IL27RA: variants seen among roughly 807,000 people sequenced by gnomAD.
The protein encoded by IL27RA is interleukin 27 receptor subunit alpha, also known as interleukin-27 receptor subunit alpha.
Under a neutral mutation model 80.8 loss-of-function variants are expected in IL27RA, and 61 were observed. That is an observed-to-expected ratio of 0.76 (90% CI 0.61 to 0.93). IL27RA has a LOEUF of 0.93. IL27RA is among the 40% of genes least tolerant of loss of function. The probability of loss-of-function intolerance (pLI) is 0.00; values close to 1 mark genes in which losing one functional copy is unlikely to be tolerated. For synonymous variants in IL27RA, 316 were observed against 332.5 expected (o/e 0.95, Z 0.54); for missense variants, 735 against 808.1 (o/e 0.91, Z 1.10).
At chr19:14,044,687 T>G (rs2145692635) in intron 6 of IL27RA, among the ~76,000 whole-genome samples, 1 of 152,140 alleles carries the variant, frequency 6.6e-6, no homozygotes, top group Non-Finnish European at 1.5e-5. Flanking sequence ...GTTTTTACTT[T>G]AAAATCTTGA....
chr19:14,037,834 C>CTTTT (rs1555764856), intron 2 of IL27RA, among the ~76,000 whole-genome samples: 1 of 129,422 alleles, frequency 7.7e-6, no homozygotes, highest in African/African-American at 2.8e-5. Context: ...CTCTCTCTCT[C>CTTTT]TTTTTTTTTT....
intron 2 of IL27RA, among the ~76,000 whole-genome samples, chr19:14,032,738 G>T (rs1208779863): frequency 6.7e-6 from 1 of 148,866 alleles, no homozygotes; most frequent in East Asian, 2.0e-4. Context: ...CCCGGGAGGC[G>T]GAGGTTGCAG....
chr19:14,046,664 G>C, intron 8 of IL27RA, 46 bp downstream of exon 8: 6 of 1,507,748 alleles, frequency 4.0e-6, no homozygotes, highest in African/African-American at 1.4e-5. Flanking sequence ...TGTTAGAGCA[G>C]ACGGATGGGT....
intron 8 of IL27RA, among the ~76,000 whole-genome samples, chr19:14,047,571 G>T (rs997795112): frequency 6.6e-6 from 1 of 151,580 alleles, no homozygotes; most frequent in South Asian, 2.1e-4. Context: ...TGGCTAGGCT[G>T]GTGTCAAACT....
At chr19:14,047,911 C>T (rs1156297575) in intron 8 of IL27RA, among the ~76,000 whole-genome samples, 1 of 151,344 alleles carries the variant, frequency 6.6e-6, no homozygotes, top group African/African-American at 2.4e-5. Flanking sequence ...ATCTGCCCTC[C>T]TCAGCCTCCC....
chr19:14,041,817 G>A (rs768554225), intron 4 of IL27RA, among the ~76,000 whole-genome samples: 1 of 152,266 alleles, frequency 6.6e-6, no homozygotes, highest in South Asian at 2.1e-4. Flanking sequence ...TCTAATCCCA[G>A]CACTTTGGGA....
chr19:14,037,272 T>A (rs1482926122), intron 2 of IL27RA, among the ~76,000 whole-genome samples: 6 of 151,786 alleles, frequency 4.0e-5, no homozygotes, highest in Admixed American at 3.9e-4. Context: ...TTACTTTTTT[T>A]TTTTTTGAGA....
At chr19:14,044,622 AC>A (rs1275649363) in intron 6 of IL27RA, among the ~76,000 whole-genome samples, 4 of 152,048 alleles carry the variant, frequency 2.6e-5, no homozygotes, top group African/African-American at 9.7e-5. Flanking sequence ...TGGAACCAAG[AC>A]CAGGGTTAGG....
At position 14,042,712 on chromosome 19, in the gene IL27RA, C is replaced by G; in HGVS notation, c.695-4C>G. On this transcript the variant is annotated splice_polypyrimidine_tract_variant and splice_region_variant and intron_variant, in intron 5 of 13. Transcript: ENST00000263379. ...TTTGTTCCCCGTTTCCTCATCCTTGCCAGCTCCAAAAGATGTGTGGGTATC... is the reference window on the plus strand; with the variant it reads ...TTTGTTCCCCGTTTCCTCATCCTTGGCAGCTCCAAAAGATGTGTGGGTATC... 1.2e-5 allele frequency: 19 copies of G among 1,614,104 alleles called. No individual in the cohort carries two copies. Among genetic ancestry groups the G allele is most frequent in the Non-Finnish European group, 1.6e-5 (19 of 1,179,998 alleles).
chr19:14,047,027 G>A (rs1014516864), intron 8 of IL27RA, among the ~76,000 whole-genome samples: 3 of 151,250 alleles, frequency 2.0e-5, no homozygotes, highest in Non-Finnish European at 4.4e-5. Flanking sequence ...AATAAATAGC[G>A]TGAATTCACA....
chr19:14,043,273 G>A (rs1976018736), intron 6 of IL27RA, among the ~76,000 whole-genome samples: 1 of 152,124 alleles, frequency 6.6e-6, no homozygotes, highest in South Asian at 2.1e-4. Context: ...CATGGAGCAA[G>A]TCTCCACCAA....
chr19:14,040,638 T>G (rs147230156), intron 4 of IL27RA, among the ~76,000 whole-genome samples: 189 of 152,060 alleles, frequency 1.2e-3, no homozygotes, highest in African/African-American at 4.4e-3. Context: ...CTGGCCAACA[T>G]GGTGAAACCC....
chr19:14,031,816 G>A lies in IL27RA; in HGVS notation c.-57G>A. ...TGTACCCAGAGCTCGAAGAGGAGCA[G>A]CGCGGCCGCGCGGACCCGGCAAGGC... On this transcript the variant is annotated 5_prime_UTR_variant, in exon 1 of 14. Transcript: ENST00000263379. 7.0e-7 allele frequency: 1 copy of A among 1,432,980 alleles called. No homozygotes were observed. Among genetic ancestry groups the A allele is most frequent in the Non-Finnish European group, 9.5e-7 (1 of 1,055,892 alleles). The allele number at this position is 1,432,980 out of a possible 1,614,324, so 88.8% of individuals were successfully genotyped here.
chr19:14,046,857 C>A (rs1395517769), intron 8 of IL27RA, among the ~76,000 whole-genome samples: 2 of 151,618 alleles, frequency 1.3e-5, no homozygotes, highest in African/African-American at 4.8e-5. Context: ...ATTAGTGGGG[C>A]GTGGTGGCAC....
chr19:14,046,245 C>T lies in IL27RA; in HGVS notation c.860C>T (p.Ser287Phe), dbSNP rs1396133967. The T allele has an allele frequency of 7.4e-6, 12 of 1,614,014 alleles. No individual in the cohort carries two copies. Among genetic ancestry groups the T allele is most frequent in the South Asian group, 1.1e-5 (1 of 91,076 alleles). Residue 287 changes from serine to phenylalanine, a missense_variant, in exon 7 of 14, where the codon TCC becomes TTC. Ser to Phe is a radical substitution (Grantham distance 155). Coordinates refer to ENST00000263379, the MANE Select transcript of IL27RA (RefSeq NM_004843.4). ...CCAGAAGGAATTACCTGCTGCTGCT[C>T]CCTAATTCCCAGTGGGGCGGAGTGG... ...LSPEGITCCC[S>F]LIPSGAEWAR...
At chr19:14,035,212 C>T (rs1975880499) in intron 2 of IL27RA, among the ~76,000 whole-genome samples, 1 of 151,974 alleles carries the variant, frequency 6.6e-6, no homozygotes, top group Non-Finnish European at 1.5e-5. Context: ...GCCCAGACTG[C>T]TTTCGAACTA....
chr19:14,032,930 G>A (rs1975843901), intron 2 of IL27RA, among the ~76,000 whole-genome samples: 1 of 151,460 alleles, frequency 6.6e-6, no homozygotes. Context: ...GTCACCCTGG[G>A]CAAGTCACTT....
chr19:14,032,333 C>A (rs550938242), intron 1 of IL27RA, 53 bp from the exon 2 acceptor site: 4 of 1,355,042 alleles, frequency 3.0e-6, no homozygotes, highest in Non-Finnish European at 4.2e-6. Context: ...GGTGTGCAGG[C>A]GGAAGGGGGG....
At chr19:14,039,945 C>T (rs372276918) in intron 4 of IL27RA, 35 bp downstream of exon 4, 1 of 1,603,924 alleles carries the variant, frequency 6.2e-7, no homozygotes, top group Non-Finnish European at 8.5e-7. Flanking sequence ...CCACCCTATT[C>T]CGGGCGGGGA....
Sources: allele counts gnomAD v4.1 joint callset (sites outside exome capture counted in the v4.1 genomes callset), GRCh38; gene constraint gnomAD v4.1.1; transcripts MANE v1.5; gene names NCBI Gene and HGNC (gene_info 2026-07-23, HGNC 2026-07-21).